RTF2: variants seen among roughly 807,000 people sequenced by gnomAD.
RTF2 encodes replication termination factor 2.
Under a neutral mutation model 38.0 loss-of-function variants are expected in RTF2, and 18 were observed. That is an observed-to-expected ratio of 0.47 (90% CI 0.33 to 0.70). The LOEUF (loss-of-function observed/expected upper bound fraction) is 0.70, where lower values mean the gene tolerates loss of function less well. Ranked by LOEUF, RTF2 falls within the 30% of genes least tolerant of loss-of-function variation. The pLI is 0.02. For missense variants in RTF2, 311 were observed against 379.6 expected (o/e 0.82, Z 1.50); for synonymous variants, 126 against 137.1 (o/e 0.92, Z 0.57).
At chr20:56,476,750 C>T (rs112170966) in intron 3 of RTF2, among the ~76,000 whole-genome samples, 338 of 152,210 alleles carry the variant, frequency 2.2e-3, no homozygotes, top group African/African-American at 7.6e-3. Context: ...CCGCCTGCCT[C>T]GGCCTCCCAA....
chr20:56,470,657 T>G (rs1981912066), intron 1 of RTF2: 1 of 456,060 alleles, frequency 2.2e-6, no homozygotes, highest in South Asian at 1.5e-5. Context: ...AAGCCAAGAT[T>G]AGAAGCCTGG....
chr20:56,492,068 G>A (rs1983183720), intron 5 of RTF2, among the ~76,000 whole-genome samples: 1 of 152,088 alleles, frequency 6.6e-6, no homozygotes, highest in Non-Finnish European at 1.5e-5. Flanking sequence ...GCACACGAGA[G>A]ATAAGCTAGC....
chr20:56,494,336 A>G (rs971837714), intron 5 of RTF2, among the ~76,000 whole-genome samples: 14 of 152,174 alleles, frequency 9.2e-5, no homozygotes, highest in Non-Finnish European at 1.3e-4. Context: ...TTCTGATTTC[A>G]TTGAGAATTC....
chr20:56,490,349 CTT>C (rs1410421889), intron 5 of RTF2, among the ~76,000 whole-genome samples: 1 of 152,188 alleles, frequency 6.6e-6, no homozygotes, highest in Non-Finnish European at 1.5e-5. Flanking sequence ...TGTATGAACT[CTT>C]TTAGAGAAGG....
In RTF2 at chr20:56,502,952, G is replaced by A. The variant is rs1366785977; in HGVS notation, c.478-10363G>A. On this transcript the variant is annotated intron_variant, in intron 5 of 8. Transcript: ENST00000357348. ...CCATTTTCTTGACTGCGGATGTGGT[G>A]TATGGTAGTGTCTGCCTCACAGGGA... is the stretch of plus-strand genomic sequence containing the variant. 2.6e-5 allele frequency among the ~76,000 whole-genome samples: 4 copies of A among 152,334 alleles called. No individual in the cohort carries two copies. The East Asian group carries it at 5.8e-4, about 22-fold the overall frequency.
chr20:56,517,902 T>C (rs557932853), intron 8 of RTF2, among the ~76,000 whole-genome samples, 185 bp from the exon 9 acceptor site: 1 of 152,108 alleles, frequency 6.6e-6, no homozygotes, highest in Admixed American at 6.5e-5. Flanking sequence ...AGACAGTAAA[T>C]GATAGATGTG....
At position 56,518,375 on chromosome 20, in the gene RTF2, CATAAAG is replaced by C. The variant is rs550649799; in HGVS notation, c.*111_*116del. The C allele has an allele frequency of 5.2e-4, 590 of 1,144,442 alleles. 6 individuals carry two copies. The East Asian group carries it at 0.013, about 25-fold the overall frequency. The allele number at this position is 1,144,442 out of a possible 1,614,324, so 70.9% of individuals were successfully genotyped here. On this transcript the variant is annotated 3_prime_UTR_variant, in exon 9 of 9. Coordinates refer to ENST00000357348, the MANE Select transcript of RTF2 (RefSeq NM_016407.5). The stretch of plus-strand genomic sequence containing the variant: ...GTGTGTTCTCTCTATAGTTCTGTGT[CATAAAG>C]CTGTCCTGGCCAGCCTTCAAGCTGG...
chr20:56,512,839 C>A (rs1984769900), intron 5 of RTF2, among the ~76,000 whole-genome samples: 1 of 152,172 alleles, frequency 6.6e-6, no homozygotes, highest in Admixed American at 6.5e-5. Flanking sequence ...ATACTTCCCC[C>A]CGCAACGAAA....
At chr20:56,486,216 G>A (rs1600804063) in intron 5 of RTF2, among the ~76,000 whole-genome samples, 1 of 152,108 alleles carries the variant, frequency 6.6e-6, no homozygotes, top group East Asian at 1.9e-4. Flanking sequence ...TCTCTTAACT[G>A]CCTAAGAAAG....
chr20:56,495,257 A>G lies in RTF2; in HGVS notation c.477+11068A>G, dbSNP rs529616409. 5.8e-6 allele frequency: 9 copies of G among 1,551,464 alleles called. No individual in the cohort carries two copies. In the Admixed American group the frequency reaches 1.8e-4, roughly 30 times the overall value. On this transcript the variant is annotated intron_variant, in intron 5 of 8. Transcript: ENST00000357348. ...CACTTTTCCGCTTAATGGCTCGAAC[A>G]TTTCCTTCCCAGCCAGCGTTTGGTG...
chr20:56,497,260 T>G lies in RTF2; in HGVS notation c.477+13071T>G, dbSNP rs1209997814. The G allele has an allele frequency of 1.9e-6, 3 of 1,551,720 alleles. No individual in the cohort carries two copies. In the East Asian group the frequency reaches 7.3e-5, roughly 38 times the overall value. Reference sequence around the variant, plus strand: ...ACAAACATGGCCAGCTCCTTATGAATAGTTATAATATATGCCAAAGAGAAA... The same window carrying G: ...ACAAACATGGCCAGCTCCTTATGAAGAGTTATAATATATGCCAAAGAGAAA... On this transcript the variant is annotated intron_variant, in intron 5 of 8. Coordinates refer to ENST00000357348, the MANE Select transcript of RTF2 (RefSeq NM_016407.5).
chr20:56,490,817 C>CAAAT lies in RTF2; in HGVS notation c.477+6644_477+6647dup, dbSNP rs572145217. Among the ~76,000 whole-genome samples, 6 of 152,132 alleles carry CAAAT rather than the reference C, an allele frequency of 3.9e-5. No individual in the cohort carries two copies. The East Asian group carries it at 7.7e-4, about 20-fold the overall frequency. The stretch of plus-strand genomic sequence containing the variant: ...GGGCAACAAGAGTAAAACTCCGTCT[C>CAAAT]AAATAAATAAATAAATAAAGGTAAC... On this transcript the variant is annotated intron_variant, in intron 5 of 8. Transcript: ENST00000357348.
intron 1 of RTF2, among the ~76,000 whole-genome samples, chr20:56,471,113 C>T (rs573689425): frequency 4.6e-5 from 7 of 152,208 alleles, no homozygotes; most frequent in Admixed American, 3.9e-4. Flanking sequence ...GAGCCCTTAA[C>T]CTTTGGGATC....
Position 56,518,113 on chromosome 20 carries a change from G to C in RTF2, c.769G>C (p.Ala257Pro), listed in dbSNP as rs1985165213. ...TAMNESSSGK[A>P]GKPPCGATKR... is the part of the protein sequence containing the mutation. ...AATGAATGAGAGCTCTTCTGGAAAAGCTGGGAAGCCTCCGTGTGGAGCCAC... is the reference window on the plus strand; with the variant it reads ...AATGAATGAGAGCTCTTCTGGAAAACCTGGGAAGCCTCCGTGTGGAGCCAC... Residue 257 changes from alanine to proline, a missense_variant, in exon 9 of 9, where the codon GCT becomes CCT. Coordinates refer to ENST00000357348, the MANE Select transcript of RTF2 (RefSeq NM_016407.5). 6.2e-7 allele frequency: 1 copy of C among 1,612,532 alleles called. No homozygotes were observed. Among genetic ancestry groups the C allele is most frequent in the African/African-American group, 1.3e-5 (1 of 74,806 alleles).
intron 4 of RTF2, among the ~76,000 whole-genome samples, chr20:56,477,345 G>A (rs1051932646): frequency 2.6e-5 from 4 of 152,020 alleles, no homozygotes; most frequent in South Asian, 4.2e-4. Flanking sequence ...GCGGCCTTCC[G>A]TTCTTGAGGT....
At chr20:56,515,237 T>C (rs1055184597) in intron 6 of RTF2, among the ~76,000 whole-genome samples, 2 of 152,162 alleles carry the variant, frequency 1.3e-5, no homozygotes, top group African/African-American at 4.8e-5. Context: ...GCCATCTCCC[T>C]GTTCTTAATT....
chr20:56,480,407 C>T (rs142645642), intron 4 of RTF2, among the ~76,000 whole-genome samples: 141 of 152,360 alleles, frequency 9.3e-4, no homozygotes, highest in African/African-American at 3.2e-3. Context: ...AAGGATCTGT[C>T]ACTGTGGCTA....
chr20:56,519,184 CTA>C lies in RTF2; in HGVS notation c.*922_*923del, dbSNP rs1469660505. The C allele has an allele frequency of 6.6e-6, 1 of 152,222 alleles. No homozygotes were observed. The highest frequency in any genetic ancestry group is 1.5e-5 in the Non-Finnish European group (1 of 68,064). The allele number at this position is 152,222 out of a possible 1,614,324, so 9.4% of individuals were successfully genotyped here. A position where few individuals can be genotyped will look rare whatever the true frequency, so the allele number is the denominator to read the frequency against. On this transcript the variant is annotated 3_prime_UTR_variant, in exon 9 of 9. Transcript: ENST00000357348. ...TATGACTGAGATAGTGACTGGTTCT[CTA>C]TACAGACCCCGGGGCCCTGGGTTTC...
At chr20:56,506,724 A>G (rs1005754570) in intron 5 of RTF2, among the ~76,000 whole-genome samples, 2 of 151,708 alleles carry the variant, frequency 1.3e-5, no homozygotes, top group Non-Finnish European at 2.9e-5. Context: ...TTTGAGAGAG[A>G]GAGTCTCGCT....
Sources: gnomAD v4.1 joint callset for allele counts (sites outside exome capture counted in the v4.1 genomes callset) on GRCh38, gnomAD v4.1.1 for gene constraint, MANE v1.5 for transcripts, NCBI Gene and HGNC (gene_info 2026-07-23, HGNC 2026-07-21) for gene names.